DOCK10: variants seen among roughly 807,000 people sequenced by gnomAD.
DOCK10 encodes dedicator of cytokinesis protein 10.
DOCK10 carries 145 observed loss-of-function variants against 280.1 expected under a neutral mutation model. That is an observed-to-expected ratio of 0.52 (90% CI 0.45 to 0.59). The LOEUF is 0.59. DOCK10 is among the 20% of genes least tolerant of loss of function. DOCK10 has a pLI of 0.00. For missense variants in DOCK10, 2,368 were observed against 2,651.7 expected, an observed-to-expected ratio of 0.89 and a Z score of 2.35; for synonymous variants, 915 against 942.2, an observed-to-expected ratio of 0.97 and a Z score of 0.53.
intron 51 of DOCK10, 29 bp downstream of exon 51, chr2:224,778,109 C>T: frequency 6.2e-7 from 1 of 1,602,390 alleles, no homozygotes; most frequent in Non-Finnish European, 8.5e-7. Flanking sequence ...CAATTCTTAG[C>T]ACTTGCATGA....
At position 224,770,978 on chromosome 2, in the gene DOCK10, C is replaced by T. The variant is rs188636964; in HGVS notation, c.6205-333G>A. On this transcript the variant is annotated intron_variant, in intron 53 of 55. Coordinates refer to ENST00000258390, the MANE Select transcript of DOCK10 (RefSeq NM_014689.3). The surrounding 1 kb of genome is among the most constrained non-coding windows in gnomAD (Gnocchi z 4.5). ...TTAGAGACAGGGTCTCACTCTGTTG[C>T]CCAGGCTAGAGTGCAGTGGCATGAT... Among the ~76,000 whole-genome samples the T allele has an allele frequency of 4.0e-4, 61 of 151,970 alleles. 1 individual carries two copies. Among genetic ancestry groups the T allele is most frequent in the African/African-American group, 1.3e-3 (55 of 41,430 alleles).
rs1559414225 is a variant in DOCK10 at position 224,792,983 on chromosome 2, T to C, written c.5302A>G (p.Ser1768Gly). The C allele has an allele frequency of 1.9e-6, 3 of 1,612,404 alleles. No homozygotes were observed. Among genetic ancestry groups the C allele is most frequent in the Non-Finnish European group, 2.5e-6 (3 of 1,178,696 alleles). ...CAGTTAGGTCACTCACTTCCTCCACTGGGAGTTGTTAGTAATGAGTTGCTA... is the reference window on the plus strand; with the variant it reads ...CAGTTAGGTCACTCACTTCCTCCACCGGGAGTTGTTAGTAATGAGTTGCTA... ...CDSNSLLTTPSGGSMFSMGWP... is the reference protein window; with the variant it reads ...CDSNSLLTTPGGGSMFSMGWP... The change falls in exon 47 of 56, where the codon AGT (serine) becomes GGT (glycine). Residue 1768 changes from serine (S) to glycine (G), a missense_variant. Transcript: ENST00000258390.
At chr2:224,862,534 T>G in intron 14 of DOCK10, 130 bp downstream of exon 14, 2 of 685,482 alleles carry the variant, frequency 2.9e-6, no homozygotes, top group South Asian at 3.5e-5. Context: ...TTTATGAAGA[T>G]GACCATATTA....
At chr2:224,894,055 TAA>T (rs1048311825) in intron 4 of DOCK10, among the ~76,000 whole-genome samples, 8 of 152,372 alleles carry the variant, frequency 5.3e-5, no homozygotes, top group African/African-American at 1.9e-4. Flanking sequence ...TTTGAATACA[TAA>T]AGTTTCTTAC....
chr2:224,781,506 C>A (rs769093054), intron 50 of DOCK10, among the ~76,000 whole-genome samples: 1 of 152,150 alleles, frequency 6.6e-6, no homozygotes, highest in Non-Finnish European at 1.5e-5. Flanking sequence ...GAGCTACAGA[C>A]ACTATCTGAA....
chr2:224,955,219 T>C (rs897513070), intron 1 of DOCK10, among the ~76,000 whole-genome samples: 2 of 152,194 alleles, frequency 1.3e-5, no homozygotes, highest in Admixed American at 6.5e-5. Context: ...GAAAAGCACA[T>C]TGTATGTAAG....
At chr2:224,837,271 G>A (rs1695651239) in intron 25 of DOCK10, among the ~76,000 whole-genome samples, 1 of 152,204 alleles carries the variant, frequency 6.6e-6, no homozygotes, top group Non-Finnish European at 1.5e-5. Context: ...TGATGGAATG[G>A]GCAAGTGGTT....
intron 18 of DOCK10, among the ~76,000 whole-genome samples, chr2:224,850,334 G>A (rs956555895): frequency 6.6e-6 from 1 of 152,136 alleles, no homozygotes; most frequent in African/African-American, 2.4e-5. Flanking sequence ...ACCGGCTGGG[G>A]CTGGGATCCC....
At chr2:224,912,143 ATTTT>A (rs201806896) in intron 3 of DOCK10, among the ~76,000 whole-genome samples, 3 of 146,586 alleles carry the variant, frequency 2.0e-5, no homozygotes, top group Non-Finnish European at 3.0e-5. Context: ...TTAAAAATAC[ATTTT>A]TTTTTTTTTT....
chr2:224,796,303 A>T lies in DOCK10; in HGVS notation c.4938+13T>A. ...AAAAATTCTGCAGTAAAAGCCCACA[A>T]AGCATTTCTTACTTTCATTTGCTTA... On this transcript the variant is annotated intron_variant, in intron 44 of 55. Transcript: ENST00000258390. 3 of 1,502,488 alleles carry T rather than the reference A, an allele frequency of 2.0e-6. No individual in the cohort carries two copies. The highest frequency in any genetic ancestry group is 2.7e-6 in the Non-Finnish European group (3 of 1,102,714). 93.1% of individuals were successfully genotyped at this position (1,502,488 alleles called of 1,614,324 possible).
intron 2 of DOCK10, among the ~76,000 whole-genome samples, chr2:224,929,033 A>T (rs1475095438): frequency 6.6e-6 from 1 of 152,198 alleles, no homozygotes; most frequent in East Asian, 1.9e-4. Flanking sequence ...AGCATGGCTG[A>T]TCCTTCTTGA....
chr2:225,022,560 T>C (rs1689809806), intron 1 of DOCK10, among the ~76,000 whole-genome samples: 1 of 152,214 alleles, frequency 6.6e-6, no homozygotes, highest in African/African-American at 2.4e-5. Context: ...ACTGTTAATC[T>C]AAACTTAAAG....
chr2:224,927,117 T>C (rs981027519), intron 2 of DOCK10, among the ~76,000 whole-genome samples: 4 of 152,068 alleles, frequency 2.6e-5, no homozygotes, highest in Non-Finnish European at 4.4e-5. Flanking sequence ...AGAGGTGACA[T>C]TTAAACTGAG....
Position 224,885,715 on chromosome 2 carries a change from G to C in DOCK10, c.703C>G (p.Pro235Ala). ...FYKDEKISKE[P>A]KGCIFLDSCT... ...GAATCCAAAAAGATGCATCCTTTGG[G>C]TTCTTTGGATATTTTCTCATCTTTG... is the stretch of plus-strand genomic sequence containing the variant. Residue 235 changes from proline (P) to alanine (A), a missense_variant, in exon 7 of 56, where the codon CCC becomes GCC. Physicochemically the swap from Pro to Ala is conservative, Grantham distance 27. This residue lies in a region of DOCK10 where 1,209 missense variants were observed against 1,250.9 expected (regional missense o/e 0.97). Coordinates refer to ENST00000258390, the MANE Select transcript of DOCK10 (RefSeq NM_014689.3). 6.2e-7 allele frequency: 1 copy of C among 1,613,486 alleles called. No homozygotes were observed. The highest frequency in any genetic ancestry group is 8.5e-7 in the Non-Finnish European group (1 of 1,179,688).
At chr2:224,935,078 T>C (rs902868601) in intron 1 of DOCK10, among the ~76,000 whole-genome samples, 1 of 152,174 alleles carries the variant, frequency 6.6e-6, no homozygotes, top group African/African-American at 2.4e-5. Context: ...AATGGGCTCC[T>C]GTCACAAAAA....
At chr2:224,816,442 C>T (rs751893014) in intron 30 of DOCK10, among the ~76,000 whole-genome samples, 175 bp downstream of exon 30, 8 of 152,060 alleles carry the variant, frequency 5.3e-5, no homozygotes, top group Non-Finnish European at 1.0e-4. Flanking sequence ...CACATGCCAA[C>T]AACTTCTTTT....
chr2:224,872,798 G>A (rs919580555), intron 11 of DOCK10, among the ~76,000 whole-genome samples: 1 of 152,130 alleles, frequency 6.6e-6, no homozygotes, highest in Non-Finnish European at 1.5e-5. Flanking sequence ...TGAGGTGAAA[G>A]ATGACAATTG....
intron 27 of DOCK10, among the ~76,000 whole-genome samples, chr2:224,829,496 G>C (rs1171516883): frequency 6.6e-6 from 1 of 152,132 alleles, no homozygotes; most frequent in Non-Finnish European, 1.5e-5. Flanking sequence ...GCATTGTTAT[G>C]ATTTACCCTC....
chr2:224,818,442 A>G lies in DOCK10; in HGVS notation c.3267+1004T>C, dbSNP rs563738845. The stretch of plus-strand genomic sequence containing the variant: ...GAGACGGAGTCTTGCTCCGTCGCCC[A>G]GGTTGGAATGCAGTGGCGCGATCTC... On this transcript the variant is annotated intron_variant, in intron 29 of 55. Transcript: ENST00000258390. Among the ~76,000 whole-genome samples the G allele has an allele frequency of 2.4e-3, 280 of 118,866 alleles. 1 individual carries two copies. The highest frequency in any genetic ancestry group is 3.4e-3 in the Non-Finnish European group (210 of 61,302). The allele number at this position is 118,866 out of a possible 152,430, so 78.0% of individuals were successfully genotyped here. A position where few individuals can be genotyped will look rare whatever the true frequency, so the allele number is the denominator to read the frequency against.
Sources: allele counts gnomAD v4.1 joint callset (sites outside exome capture counted in the v4.1 genomes callset), GRCh38; gene constraint gnomAD v4.1.1; regional missense constraint gnomAD v4.1.1; non-coding constraint Gnocchi (gnomAD v3.1); transcripts MANE v1.5; gene names NCBI Gene and HGNC (gene_info 2026-07-23, HGNC 2026-07-21).